KCNA6: variants seen among roughly 807,000 people sequenced by gnomAD.
KCNA6 encodes potassium voltage-gated channel subfamily A member 6.
Under a neutral mutation model 29.5 loss-of-function variants are expected in KCNA6, and 17 were observed. The observed-to-expected ratio is 0.58, with a 90% CI of 0.39 to 0.86. The LOEUF is 0.86. Ranked by LOEUF, KCNA6 falls within the 40% of genes least tolerant of loss-of-function variation. The probability of loss-of-function intolerance (pLI) is 0.00; values close to 1 mark genes in which losing one functional copy is unlikely to be tolerated. For synonymous variants in KCNA6, 296 were observed against 304.7 expected, an observed-to-expected ratio of 0.97 and a Z score of 0.30; for missense variants, 450 against 703.4, an observed-to-expected ratio of 0.64 and a Z score of 4.07.
the KCNA6 span, among the ~76,000 whole-genome samples, chr12:4,842,324 T>A: frequency 6.6e-6 from 1 of 152,082 alleles, no homozygotes; most frequent in African/African-American, 2.4e-5. Context: ...ATGGTAAGTA[T>A]GAGCACGGTG....
chr12:4,816,249 G>GGT (rs59638657), downstream of KCNA6, among the ~76,000 whole-genome samples: 3,208 of 142,682 alleles, frequency 0.022, 48 homozygotes, highest in African/African-American at 0.027. Flanking sequence ...ACCACGAACT[G>GGT]GTGTGTGTGT....
At chr12:4,818,354 G>A (rs369809324), downstream of KCNA6, among the ~76,000 whole-genome samples, 28 of 152,330 alleles carry the variant, frequency 1.8e-4, no homozygotes, top group South Asian at 8.3e-4. Context: ...GAGCCTGATC[G>A]TCGCGGCTCA....
downstream of KCNA6, chr12:4,814,177 G>A (rs983357745): frequency 6.0e-6 from 1 of 167,114 alleles, no homozygotes; most frequent in Non-Finnish European, 1.5e-5. The surrounding 1 kb of genome is among the most constrained non-coding windows in gnomAD (Gnocchi z 4.6). Context: ...AGTCATTGAA[G>A]CTGCCTCATC....
At chr12:4,850,386 G>A in the KCNA6 span, among the ~76,000 whole-genome samples, 1 of 152,130 alleles carries the variant, frequency 6.6e-6, no homozygotes, top group Non-Finnish European at 1.5e-5. The surrounding 1 kb of genome is among the most constrained non-coding windows in gnomAD (Gnocchi z 5.4). Context: ...GTGCCTTCTG[G>A]GGCCTGGAAG....
chr12:4,829,392 G>A, the KCNA6 span, among the ~76,000 whole-genome samples: 11 of 152,250 alleles, frequency 7.2e-5, no homozygotes, highest in African/African-American at 2.4e-4. Context: ...GGAGCTAATC[G>A]ACAAACTTTT....
At chr12:4,816,680 A>C (rs77965268), downstream of KCNA6, among the ~76,000 whole-genome samples, 899 of 152,250 alleles carry the variant, frequency 5.9e-3, 9 homozygotes, top group African/African-American at 0.02. Flanking sequence ...TTGTGGGTAC[A>C]TAAAGGTTTT....
At chr12:4,836,228 C>T in the KCNA6 span, among the ~76,000 whole-genome samples, 169 of 151,990 alleles carry the variant, frequency 1.1e-3, no homozygotes, top group African/African-American at 3.8e-3. Flanking sequence ...GGATTGCAGG[C>T]GCAAGCCACC....
At chr12:4,844,395 G>A in the KCNA6 span, among the ~76,000 whole-genome samples, 2 of 152,174 alleles carry the variant, frequency 1.3e-5, no homozygotes, top group Non-Finnish European at 2.9e-5. The surrounding 1 kb of genome is among the most constrained non-coding windows in gnomAD (Gnocchi z 4.0). Flanking sequence ...AAGAAGTACA[G>A]TGTTAAATGA....
Position 4,810,005 on chromosome 12 carries a change from G to T in KCNA6, c.-37G>T. ...GCGCTCCAGAGATTGTGTCGTGGGC[G>T]CCGTCCTAGTGGCGGGGAGCGCACC... On this transcript the variant is annotated 5_prime_UTR_variant, in exon 1 of 1. Transcript: ENST00000280684. This position sits in a 1 kb window ranked among gnomAD's most constrained non-coding sequence, Gnocchi z 7.5. 6.7e-7 allele frequency: 1 copy of T among 1,502,572 alleles called. No homozygotes were observed. 93.1% of individuals were successfully genotyped at this position (1,502,572 alleles called of 1,614,324 possible). A position where few individuals can be genotyped will look rare whatever the true frequency, so the allele number is the denominator to read the frequency against.
chr12:4,839,945 G>A, the KCNA6 span, among the ~76,000 whole-genome samples: 1 of 150,410 alleles, frequency 6.6e-6, no homozygotes, highest in African/African-American at 2.4e-5. Flanking sequence ...ACAATTTTTT[G>A]TTTCTTTTTT....
chr12:4,839,947 T>G, the KCNA6 span, among the ~76,000 whole-genome samples: 1 of 150,638 alleles, frequency 6.6e-6, no homozygotes, highest in Non-Finnish European at 1.5e-5. Flanking sequence ...AATTTTTTGT[T>G]TCTTTTTTAT....
the KCNA6 span, among the ~76,000 whole-genome samples, chr12:4,824,440 C>T: frequency 6.6e-6 from 1 of 152,110 alleles, no homozygotes; most frequent in Non-Finnish European, 1.5e-5. Context: ...ATAACAGAGG[C>T]GACTCATGTA....
At chr12:4,838,465 G>C in the KCNA6 span, among the ~76,000 whole-genome samples, 1 of 152,306 alleles carries the variant, frequency 6.6e-6, no homozygotes, top group South Asian at 2.1e-4. Flanking sequence ...ACTGAAGACA[G>C]CTGCTTTTCT....
the KCNA6 span, among the ~76,000 whole-genome samples, chr12:4,829,722 G>T: frequency 6.6e-6 from 1 of 151,942 alleles, no homozygotes; most frequent in Non-Finnish European, 1.5e-5. Flanking sequence ...AAAGTCTCTA[G>T]AGGTTCTTGT....
the KCNA6 span, among the ~76,000 whole-genome samples, chr12:4,822,124 C>T: frequency 1.8e-3 from 272 of 152,160 alleles, no homozygotes; most frequent in African/African-American, 4.8e-3. Context: ...TGTGAGCCAC[C>T]GCGCCCGGCC....
At chr12:4,848,620 C>T in the KCNA6 span, among the ~76,000 whole-genome samples, 1 of 152,020 alleles carries the variant, frequency 6.6e-6, no homozygotes, top group Non-Finnish European at 1.5e-5. Flanking sequence ...CCGCAACCTC[C>T]GACTTCCAGG....
At chr12:4,834,006 G>A in the KCNA6 span, among the ~76,000 whole-genome samples, 1 of 148,260 alleles carries the variant, frequency 6.7e-6, no homozygotes, top group South Asian at 2.1e-4. Flanking sequence ...ATGACTCTCT[G>A]TAGCCTTGAT....
At chr12:4,835,934 G>GT in the KCNA6 span, among the ~76,000 whole-genome samples, 4,225 of 136,504 alleles carry the variant, frequency 0.031, 103 homozygotes, top group Non-Finnish European at 0.04. Context: ...AAAAGTCGCT[G>GT]TTTTTTTTTT....
At chr12:4,838,411 G>A in the KCNA6 span, among the ~76,000 whole-genome samples, 5 of 152,146 alleles carry the variant, frequency 3.3e-5, no homozygotes, top group Non-Finnish European at 7.3e-5. Flanking sequence ...ACACACTGGG[G>A]GCTACCAAGG....
Sources: allele counts gnomAD v4.1 joint callset (sites outside exome capture counted in the v4.1 genomes callset), GRCh38; gene constraint gnomAD v4.1.1; non-coding constraint Gnocchi (gnomAD v3.1); transcripts MANE v1.5; gene names NCBI Gene and HGNC (gene_info 2026-07-23, HGNC 2026-07-21).